Variants in PDE10A observed in about 807,000 individuals in gnomAD.
The protein encoded by PDE10A is phosphodiesterase 10A.
A neutral mutation model predicts 97.7 loss-of-function variants in PDE10A; 39 were observed. That is an observed-to-expected ratio of 0.40 (90% confidence interval 0.31 to 0.52). PDE10A has a LOEUF of 0.52. Among genes scored for constraint, PDE10A ranks in the 20% least tolerant of loss-of-function variants. PDE10A has a pLI of 0.56. For synonymous variants in PDE10A, 371 were observed against 376.8 expected, an observed-to-expected ratio of 0.98 and a Z score of 0.18; for missense variants, 731 against 1,047.8, an observed-to-expected ratio of 0.70 and a Z score of 4.17.
At chr6:165,787,795 C>T (rs1353792692) in intron 1 of PDE10A, among the ~76,000 whole-genome samples, 5 of 152,182 alleles carry the variant, frequency 3.3e-5, no homozygotes, top group Admixed American at 6.5e-5. Context: ...AGTTTACCAT[C>T]CACTCCACTG....
intron 18 of PDE10A, among the ~76,000 whole-genome samples, chr6:165,359,408 A>G (rs9459382): frequency 0.081 from 12,339 of 152,188 alleles, 560 homozygotes; most frequent in Middle Eastern, 0.2. Context: ...GAATACGTCC[A>G]TGTTTTTGCT....
intron 1 of PDE10A, among the ~76,000 whole-genome samples, chr6:165,550,542 A>G (rs1420244058): frequency 1.3e-5 from 2 of 152,236 alleles, no homozygotes; most frequent in East Asian, 3.8e-4. Flanking sequence ...CATATGAGGA[A>G]TGGGTGAATG....
chr6:165,918,727 C>G (rs1345836387), intron 1 of PDE10A, among the ~76,000 whole-genome samples: 2 of 151,890 alleles, frequency 1.3e-5, no homozygotes, highest in Non-Finnish European at 2.9e-5. Flanking sequence ...GAAAATTGCC[C>G]AAGTGGACCT....
intron 1 of PDE10A, among the ~76,000 whole-genome samples, chr6:165,555,524 GA>G (rs1226779449): frequency 1.3e-5 from 2 of 152,088 alleles, no homozygotes; most frequent in Non-Finnish European, 2.9e-5. Context: ...GAAATATTAT[GA>G]AATTAAGATT....
chr6:165,623,601 A>G (rs985665831), intron 1 of PDE10A, among the ~76,000 whole-genome samples: 7 of 152,210 alleles, frequency 4.6e-5, no homozygotes, highest in Non-Finnish European at 1.0e-4. Flanking sequence ...AATTATTCCT[A>G]TATTTTAAAC....
intron 1 of PDE10A, among the ~76,000 whole-genome samples, chr6:165,824,621 G>C (rs952663586): frequency 2.6e-5 from 4 of 152,138 alleles, no homozygotes; most frequent in African/African-American, 9.7e-5. Flanking sequence ...ATTTGTGTTT[G>C]CAGGTGACAA....
chr6:165,706,598 T>C (rs1791716019), intron 1 of PDE10A, among the ~76,000 whole-genome samples: 1 of 152,224 alleles, frequency 6.6e-6, no homozygotes, highest in Admixed American at 6.5e-5. Context: ...TAACATTTTC[T>C]CCTCAATAAA....
At chr6:165,416,137 G>A (rs1788295087) in intron 12 of PDE10A, 52 bp downstream of exon 12, 1 of 1,157,024 alleles carries the variant, frequency 8.6e-7, no homozygotes, top group Non-Finnish European at 1.3e-6. Context: ...TTTCAGCTGA[G>A]TGGGACATCA....
At chr6:165,619,009 C>CTATTG (rs1787865470) in intron 1 of PDE10A, among the ~76,000 whole-genome samples, 1 of 135,708 alleles carries the variant, frequency 7.4e-6, no homozygotes. Flanking sequence ...GTAGTGTAGT[C>CTATTG]TAGTGTAGTC....
chr6:165,955,284 T>C (rs1039317832), intron 1 of PDE10A, among the ~76,000 whole-genome samples: 10 of 152,202 alleles, frequency 6.6e-5, no homozygotes, highest in African/African-American at 2.4e-4. Context: ...ATCCCTCTTT[T>C]ATTTTCCACT....
intron 1 of PDE10A, among the ~76,000 whole-genome samples, chr6:165,641,709 C>T (rs558453787): frequency 3.0e-4 from 46 of 152,348 alleles, no homozygotes; most frequent in African/African-American, 1.1e-3. Flanking sequence ...CTCACTGCAC[C>T]CACCGTGTGG....
intron 1 of PDE10A, among the ~76,000 whole-genome samples, chr6:165,872,064 T>G (rs1366406712): frequency 6.6e-6 from 1 of 152,142 alleles, no homozygotes; most frequent in East Asian, 1.9e-4. Context: ...TTCAATTGGA[T>G]GCATTTTTGC....
chr6:165,474,535 C>A (rs907965188), intron 3 of PDE10A, among the ~76,000 whole-genome samples: 1 of 152,114 alleles, frequency 6.6e-6, no homozygotes. Context: ...TAACTACCAT[C>A]GAGTATTATG....
At chr6:165,943,094 C>G (rs1258108756) in intron 1 of PDE10A, among the ~76,000 whole-genome samples, 1 of 144,476 alleles carries the variant, frequency 6.9e-6, no homozygotes, top group Non-Finnish European at 1.5e-5. Context: ...GAAACAGAAC[C>G]CAGAGAGAGG....
intron 1 of PDE10A, among the ~76,000 whole-genome samples, chr6:165,815,245 A>G (rs1779378585): frequency 6.6e-6 from 1 of 151,672 alleles, no homozygotes; most frequent in South Asian, 2.1e-4. Context: ...AAATCCCACA[A>G]CTCTTCCCTA....
chr6:165,965,070 A>G (rs1583362161), intron 1 of PDE10A, among the ~76,000 whole-genome samples: 1 of 152,224 alleles, frequency 6.6e-6, no homozygotes, highest in East Asian at 1.9e-4. Context: ...GGTGCCTTAC[A>G]GGGCACAGTG....
chr6:165,460,027 T>A (rs1278189486), intron 3 of PDE10A, among the ~76,000 whole-genome samples: 2 of 152,240 alleles, frequency 1.3e-5, no homozygotes, highest in African/African-American at 4.8e-5. Context: ...GGAAATGCCA[T>A]GAGGGACCCG....
rs1203808763 is a variant in PDE10A, at chr6:165,932,599, G to A, written c.-615+54930C>T. Reference sequence around the variant, plus strand: ...GATCCCCCTGCCTCAGCCTCCCAAAGTTCTGAAATTACAGGCATGAGCCAC... The same window carrying A: ...GATCCCCCTGCCTCAGCCTCCCAAAATTCTGAAATTACAGGCATGAGCCAC... On this transcript the variant is annotated intron_variant, in intron 1 of 19. Transcript: ENST00000366882. 2.6e-5 allele frequency among the ~76,000 whole-genome samples: 4 copies of A among 152,156 alleles called. No homozygotes were observed. The South Asian group carries it at 8.3e-4, about 32-fold the overall frequency.
At chr6:165,466,588 G>A (rs1341741539) in intron 3 of PDE10A, among the ~76,000 whole-genome samples, 1 of 152,132 alleles carries the variant, frequency 6.6e-6, no homozygotes, top group African/African-American at 2.4e-5. Context: ...TTCACTTCAT[G>A]TCTCTATGTC....
Sources: allele counts gnomAD v4.1 joint callset (sites outside exome capture counted in the v4.1 genomes callset), GRCh38; gene constraint gnomAD v4.1.1; transcripts MANE v1.5; gene names NCBI Gene and HGNC (gene_info 2026-07-23, HGNC 2026-07-21).